The following MIB1 variants were observed in gnomAD, a reference collection of about 807,000 sequenced individuals.
MIB1 encodes the protein MIB E3 ubiquitin protein ligase 1.
In MIB1, 278 loss-of-function variants were observed where a neutral mutation model predicts 124.5. The ratio of observed to expected loss-of-function variants is 2.23; its 90% confidence interval spans 2.02 to 2.47. MIB1 has a LOEUF of 2.47. MIB1 is among the 30% of genes most tolerant of loss of function. MIB1 has a pLI of 0.00. For synonymous variants in MIB1, 446 were observed against 429.4 expected, an observed-to-expected ratio of 1.04 and a Z score of -0.48; for missense variants, 957 against 1,254.4, an observed-to-expected ratio of 0.76 and a Z score of 3.58.
rs1185795222 is a variant in MIB1, at chr18:21,844,218, A to G, written c.2176A>G (p.Lys726Glu). Residue 726 changes from lysine to glutamate, a missense_variant, in exon 15 of 21, where the codon AAG becomes GAG. Coordinates refer to ENST00000261537, the MANE Select transcript of MIB1 (RefSeq NM_020774.4). ...GCTCCAAGATATGCAAGATGTGGGG[A>G]AGGTGGATGCTGCCTGGGAGCCATC... ...RQLQDMQDVG[K>E]VDAAWEPSKN... is the part of the protein sequence containing the mutation. 11 of 1,614,018 alleles carry G rather than the reference A, an allele frequency of 6.8e-6. No homozygotes were observed. The highest frequency in any genetic ancestry group is 9.3e-6 in the Non-Finnish European group (11 of 1,180,018).
intron 1 of MIB1, among the ~76,000 whole-genome samples, chr18:21,734,709 A>G (rs557172094): frequency 1.3e-5 from 2 of 152,020 alleles, no homozygotes; most frequent in Middle Eastern, 3.4e-3. Context: ...TTGTATTTTT[A>G]GTAGAGACAG....
At position 21,864,798 on chromosome 18, in the gene MIB1, G is replaced by A; in HGVS notation, c.*132G>A. 1 of 596,520 alleles carries A rather than the reference G, an allele frequency of 1.7e-6. No individual in the cohort carries two copies. Among genetic ancestry groups the A allele is most frequent in the Non-Finnish European group, 2.7e-6 (1 of 365,692 alleles). 37.0% of individuals were successfully genotyped at this position (596,520 alleles called of 1,614,324 possible). On this transcript the variant is annotated 3_prime_UTR_variant, in exon 21 of 21. Coordinates refer to ENST00000261537, the MANE Select transcript of MIB1 (RefSeq NM_020774.4). The stretch of plus-strand genomic sequence containing the variant: ...TTCTTTACTAGAGTATAATTGGGCT[G>A]TAAATGTACCAGAACAAAAAACCCT...
At chr18:21,770,791 G>T (rs1332511087) in intron 3 of MIB1, among the ~76,000 whole-genome samples, 1 of 151,872 alleles carries the variant, frequency 6.6e-6, no homozygotes, top group East Asian at 1.9e-4. Flanking sequence ...AAATTCCCAT[G>T]CACTCATACC....
chr18:21,864,276 G>C (rs1015341374), intron 20 of MIB1, among the ~76,000 whole-genome samples: 1 of 152,132 alleles, frequency 6.6e-6, no homozygotes, highest in African/African-American at 2.4e-5. Context: ...GTGTCTGGCT[G>C]TGTTTTATAT....
At chr18:21,734,857 C>T (rs2040789135) in intron 1 of MIB1, among the ~76,000 whole-genome samples, 2 of 152,178 alleles carry the variant, frequency 1.3e-5, no homozygotes, top group Non-Finnish European at 2.9e-5. Context: ...AATGTCTTAT[C>T]CTTCTTAGTG....
intron 4 of MIB1, among the ~76,000 whole-genome samples, chr18:21,774,618 T>TA (rs1479053499): frequency 6.6e-6 from 1 of 152,296 alleles, no homozygotes; most frequent in South Asian, 2.1e-4. Context: ...TCTTGCTATT[T>TA]AATGTATAGA....
chr18:21,785,091 C>G (rs1568200777), intron 6 of MIB1, among the ~76,000 whole-genome samples: 1 of 152,208 alleles, frequency 6.6e-6, no homozygotes, highest in Admixed American at 6.5e-5. Context: ...TGTCCTCTCT[C>G]TCTTTCTGCC....
chr18:21,717,069 T>C (rs1038431973), intron 1 of MIB1, among the ~76,000 whole-genome samples: 1 of 152,054 alleles, frequency 6.6e-6, no homozygotes, highest in African/African-American at 2.4e-5. Context: ...TATACACCAA[T>C]GGAATAGAAT....
chr18:21,845,770 C>T, intron 15 of MIB1, among the ~76,000 whole-genome samples: 1 of 152,024 alleles, frequency 6.6e-6, no homozygotes, highest in Admixed American at 6.6e-5. Flanking sequence ...ATTGCAGGTG[C>T]ACACCACCAC....
chr18:21,724,727 AATATATATATATATAT>A (rs60650753), intron 1 of MIB1, among the ~76,000 whole-genome samples: 239 of 17,286 alleles, frequency 0.014, 8 homozygotes, highest in East Asian at 0.065. Flanking sequence ...AAAAAAAAAA[AATATATATATATATAT>A]ATATATATAT....
At chr18:21,736,836 G>T (rs1159594227), upstream of MIB1, among the ~76,000 whole-genome samples, 1 of 152,068 alleles carries the variant, frequency 6.6e-6, no homozygotes, top group Non-Finnish European at 1.5e-5. Flanking sequence ...GAAAAGAAAA[G>T]AACAAAGCCT....
intron 10 of MIB1, among the ~76,000 whole-genome samples, chr18:21,814,125 T>G (rs2041803872): frequency 6.6e-6 from 1 of 152,186 alleles, no homozygotes; most frequent in African/African-American, 2.4e-5. Flanking sequence ...CTTTCCTGCC[T>G]TCTCATTTCT....
chr18:21,829,730 G>T (rs1483969779), intron 12 of MIB1, among the ~76,000 whole-genome samples: 1 of 151,998 alleles, frequency 6.6e-6, no homozygotes, highest in Non-Finnish European at 1.5e-5. Context: ...TTTGCACTTT[G>T]ATGCTTCTCT....
chr18:21,851,562 G>A (rs963387402), intron 17 of MIB1, among the ~76,000 whole-genome samples: 3 of 152,112 alleles, frequency 2.0e-5, no homozygotes, highest in Non-Finnish European at 4.4e-5. Flanking sequence ...CTTCATTGAA[G>A]AAAAACAAAT....
intron 12 of MIB1, among the ~76,000 whole-genome samples, chr18:21,820,261 T>C (rs2041866952): frequency 6.6e-6 from 1 of 152,226 alleles, no homozygotes; most frequent in Admixed American, 6.5e-5. Context: ...TAACTCACTT[T>C]TTGGAACAAC....
chr18:21,843,775 C>A (rs1379683398), intron 14 of MIB1, among the ~76,000 whole-genome samples: 4 of 152,182 alleles, frequency 2.6e-5, no homozygotes, highest in African/African-American at 4.8e-5. Flanking sequence ...TCAAGTCATA[C>A]ATCTAAAGTT....
rs150537623 is a variant in MIB1 at position 21,758,768 on chromosome 18, C to T, written c.230-7004C>T. Among the ~76,000 whole-genome samples, 388 of 152,164 alleles carry T rather than the reference C, an allele frequency of 2.5e-3. 5 individuals carry two copies. The East Asian group carries it at 0.03, about 12-fold the overall frequency. ...CAGACTGGTCTTGAACGCCTGACCT[C>T]GTGATCCACCCGCCTCGGCCTCCCA... On this transcript the variant is annotated intron_variant, in intron 1 of 20. Coordinates refer to ENST00000261537, the MANE Select transcript of MIB1 (RefSeq NM_020774.4).
chr18:21,861,447 A>G (rs2042275484), intron 20 of MIB1, among the ~76,000 whole-genome samples: 1 of 152,068 alleles, frequency 6.6e-6, no homozygotes, highest in African/African-American at 2.4e-5. Context: ...TAACATGAAT[A>G]GTGACATTTA....
rs2042349272 is a variant in MIB1, at chr18:21,870,763, A to G, written c.*6097A>G. Reference sequence around the variant, plus strand: ...ATATCTGATGTTTAAGAGGAAAAACATCTGAAAAAATATCTTTTGTTTATT... The same window carrying G: ...ATATCTGATGTTTAAGAGGAAAAACGTCTGAAAAAATATCTTTTGTTTATT... On this transcript the variant is annotated 3_prime_UTR_variant, in exon 21 of 21. Coordinates refer to ENST00000261537, the MANE Select transcript of MIB1 (RefSeq NM_020774.4). The G allele has an allele frequency of 6.6e-6, 1 of 152,192 alleles. No homozygotes were observed. Among genetic ancestry groups the G allele is most frequent in the African/African-American group, 2.4e-5 (1 of 41,458 alleles). The allele number at this position is 152,192 out of a possible 1,614,324, so 9.4% of individuals were successfully genotyped here. A position where few individuals can be genotyped will look rare whatever the true frequency, so the allele number is the denominator to read the frequency against.
Sources: gnomAD v4.1 joint callset for allele counts (sites outside exome capture counted in the v4.1 genomes callset) on GRCh38, gnomAD v4.1.1 for gene constraint, MANE v1.5 for transcripts, NCBI Gene and HGNC (gene_info 2026-07-23, HGNC 2026-07-21) for gene names.